The following SLMAP variants were observed in gnomAD, a reference collection of about 807,000 sequenced individuals.
SLMAP encodes sarcolemmal membrane-associated protein.
Under a neutral mutation model 128.8 loss-of-function variants are expected in SLMAP, and 44 were observed. The ratio of observed to expected loss-of-function variants is 0.34; its 90% confidence interval spans 0.27 to 0.44. SLMAP has a LOEUF of 0.44. Ranked by LOEUF, SLMAP falls within the 20% of genes least tolerant of loss-of-function variation. The probability of loss-of-function intolerance (pLI) is 1.00; values close to 1 mark genes in which losing one functional copy is unlikely to be tolerated. For synonymous variants in SLMAP, 327 were observed against 348.8 expected (o/e 0.94, Z 0.70); for missense variants, 787 against 985.3 (o/e 0.80, Z 2.69).
chr3:57,915,375 T>C (rs2096789268), intron 21 of SLMAP, among the ~76,000 whole-genome samples: 1 of 152,238 alleles, frequency 6.6e-6, no homozygotes, highest in Non-Finnish European at 1.5e-5. Context: ...GGTCAGATCA[T>C]CTGCCTAAAC....
At chr3:57,834,273 A>G (rs1001607777) in intron 3 of SLMAP, among the ~76,000 whole-genome samples, 5 of 152,220 alleles carry the variant, frequency 3.3e-5, no homozygotes, top group Non-Finnish European at 7.3e-5. Flanking sequence ...AAAAAATTCT[A>G]CAAGGGATAA....
chr3:57,828,368 CT>C (rs1195715628), intron 2 of SLMAP, among the ~76,000 whole-genome samples: 5 of 151,984 alleles, frequency 3.3e-5, no homozygotes, highest in Non-Finnish European at 7.4e-5. Flanking sequence ...GGTACAGAAT[CT>C]TTTTTTTAAT....
At chr3:57,871,191 T>TA (rs2095471935) in intron 13 of SLMAP, among the ~76,000 whole-genome samples, 1 of 152,190 alleles carries the variant, frequency 6.6e-6, no homozygotes, top group South Asian at 2.1e-4. Context: ...TTAAAAATCT[T>TA]ATGGTATTAC....
intron 2 of SLMAP, among the ~76,000 whole-genome samples, chr3:57,819,783 C>T (rs1289274516): frequency 6.6e-6 from 1 of 152,104 alleles, no homozygotes; most frequent in African/African-American, 2.4e-5. Flanking sequence ...GAGACAGGGT[C>T]TCACTCTGTC....
chr3:57,904,582 C>G (rs1246301476), intron 17 of SLMAP, among the ~76,000 whole-genome samples: 1 of 152,084 alleles, frequency 6.6e-6, no homozygotes, highest in African/African-American at 2.4e-5. Context: ...ATCCAAATAC[C>G]TGTTCACATT....
intron 15 of SLMAP, among the ~76,000 whole-genome samples, chr3:57,891,434 A>G (rs904169362): frequency 2.0e-5 from 3 of 152,316 alleles, no homozygotes; most frequent in African/African-American, 7.2e-5. Flanking sequence ...ATGTATAAAG[A>G]TCAAATCAGG....
At chr3:57,812,102 A>G (rs1258765123) in intron 2 of SLMAP, among the ~76,000 whole-genome samples, 5 of 152,046 alleles carry the variant, frequency 3.3e-5, no homozygotes, top group Admixed American at 2.0e-4. Flanking sequence ...TGTCTTTTCT[A>G]TTGTTGCTTT....
chr3:57,799,197 G>A (rs993717225), intron 2 of SLMAP, among the ~76,000 whole-genome samples: 1 of 152,158 alleles, frequency 6.6e-6, no homozygotes, highest in African/African-American at 2.4e-5. Context: ...TATAACAGAT[G>A]TTAAAGGATA....
chr3:57,846,846 A>C (rs1055437001), intron 4 of SLMAP, among the ~76,000 whole-genome samples: 1 of 152,204 alleles, frequency 6.6e-6, no homozygotes, highest in African/African-American at 2.4e-5. Flanking sequence ...GGCATGAGCC[A>C]CCATGCCTAG....
At chr3:57,865,210 G>A (rs180883969) in intron 12 of SLMAP, 32 bp from the exon 13 acceptor site, 2 of 1,219,042 alleles carry the variant, frequency 1.6e-6, no homozygotes, top group East Asian at 5.2e-5. Flanking sequence ...ATACTTCTTT[G>A]ATCAGGCAAT....
At chr3:57,827,058 G>C (rs992644148) in intron 2 of SLMAP, among the ~76,000 whole-genome samples, 1 of 152,124 alleles carries the variant, frequency 6.6e-6, no homozygotes, top group African/African-American at 2.4e-5. Context: ...AAAAATTTTT[G>C]TTGCAGTATC....
intron 14 of SLMAP, among the ~76,000 whole-genome samples, chr3:57,877,983 C>T (rs950610908): frequency 4.6e-5 from 7 of 151,474 alleles, no homozygotes; most frequent in Admixed American, 1.3e-4. Flanking sequence ...TACAGGCACC[C>T]GCTACCATAC....
At chr3:57,894,371 A>G (rs993641872) in intron 15 of SLMAP, among the ~76,000 whole-genome samples, 6 of 152,200 alleles carry the variant, frequency 3.9e-5, no homozygotes, top group Non-Finnish European at 5.9e-5. Flanking sequence ...TAGTAAATAT[A>G]TCTTGAATAG....
chr3:57,826,126 C>G (rs1206025711), intron 2 of SLMAP, among the ~76,000 whole-genome samples: 1 of 152,056 alleles, frequency 6.6e-6, no homozygotes, highest in Admixed American at 6.5e-5. Flanking sequence ...CTCTTGTGAG[C>G]CTTCTAATTT....
chr3:57,759,008 G>A (rs944012328), intron 2 of SLMAP, among the ~76,000 whole-genome samples: 1 of 152,182 alleles, frequency 6.6e-6, no homozygotes, highest in South Asian at 2.1e-4. Context: ...AGAAACCTGA[G>A]CCTCAAAAGG....
chr3:57,881,254 G>T (rs1409595515), intron 14 of SLMAP, among the ~76,000 whole-genome samples: 1 of 151,940 alleles, frequency 6.6e-6, no homozygotes, highest in African/African-American at 2.4e-5. Context: ...TCTTTGAGTT[G>T]TACCAAGTTA....
chr3:57,775,259 G>A (rs562547876), intron 2 of SLMAP, among the ~76,000 whole-genome samples: 1 of 151,472 alleles, frequency 6.6e-6, no homozygotes, highest in African/African-American at 2.4e-5. Context: ...TTTCACCGTG[G>A]TCTCGATCTC....
chr3:57,904,526 A>G (rs1280098195), intron 17 of SLMAP, among the ~76,000 whole-genome samples: 1 of 152,234 alleles, frequency 6.6e-6, no homozygotes, highest in East Asian at 1.9e-4. Context: ...ACTACCATAC[A>G]ATTCTCAAAA....
intron 23 of SLMAP, among the ~76,000 whole-genome samples, chr3:57,923,509 G>A (rs534607603): frequency 6.6e-6 from 1 of 152,348 alleles, no homozygotes; most frequent in African/African-American, 2.4e-5. Context: ...GTGAGTTTCT[G>A]TAGGGCTGTG....
Sources: allele counts gnomAD v4.1 joint callset (sites outside exome capture counted in the v4.1 genomes callset), GRCh38; gene constraint gnomAD v4.1.1; transcripts MANE v1.5; gene names NCBI Gene and HGNC (gene_info 2026-07-23, HGNC 2026-07-21).